Variants in NR5A1 observed in about 807,000 individuals in gnomAD.
NR5A1 encodes the protein steroidogenic factor 1.
Under a neutral mutation model 42.7 loss-of-function variants are expected in NR5A1, and 6 were observed. That is an observed-to-expected ratio of 0.14 (90% confidence interval 0.08 to 0.28). The LOEUF (loss-of-function observed/expected upper bound fraction) is 0.28, where lower values mean the gene tolerates loss of function less well. NR5A1 is among the 10% of genes least tolerant of loss of function. The pLI, the probability that NR5A1 is intolerant of heterozygous loss-of-function variation, is 1.00. For missense variants in NR5A1, 442 were observed against 626.4 expected (o/e 0.71, Z 3.14); for synonymous variants, 274 against 277.5 (o/e 0.99, Z 0.12).
intron 6 of NR5A1, among the ~76,000 whole-genome samples, chr9:124,484,526 G>A (rs1376551712): frequency 6.6e-6 from 1 of 152,140 alleles, no homozygotes; most frequent in Non-Finnish European, 1.5e-5. Context: ...CAAGGTAGGT[G>A]GGTCACTTGA....
At chr9:124,489,362 G>A (rs1832268776) in intron 6 of NR5A1, among the ~76,000 whole-genome samples, 1 of 152,158 alleles carries the variant, frequency 6.6e-6, no homozygotes, top group Non-Finnish European at 1.5e-5. Flanking sequence ...GTGCCTCCAA[G>A]CACCACCCTT....
At chr9:124,493,462 A>G (rs558378032) in intron 4 of NR5A1, among the ~76,000 whole-genome samples, 5 of 152,342 alleles carry the variant, frequency 3.3e-5, no homozygotes, top group Admixed American at 3.3e-4. Context: ...TACTGAGCGG[A>G]CAGTCCAGTA....
intron 4 of NR5A1, among the ~76,000 whole-genome samples, chr9:124,494,827 A>C (rs1156470345): frequency 6.6e-6 from 1 of 152,118 alleles, no homozygotes; most frequent in Non-Finnish European, 1.5e-5. Flanking sequence ...GCACACAGAG[A>C]CCACTCTCTA....
chr9:124,494,977 G>T (rs1363842073), intron 4 of NR5A1, among the ~76,000 whole-genome samples: 2 of 152,172 alleles, frequency 1.3e-5, no homozygotes, highest in Non-Finnish European at 2.9e-5. Flanking sequence ...TCTCTCCTGG[G>T]GCGTCCCTGG....
In NR5A1 at chr9:124,500,072, G is replaced by A; in HGVS notation, c.870+18C>T. 1 of 1,613,086 alleles carries A rather than the reference G, an allele frequency of 6.2e-7. No homozygotes were observed. The highest frequency in any genetic ancestry group is 8.5e-7 in the Non-Finnish European group (1 of 1,180,032). ...AGGACCATGATGCAGGGCCAGCCGG[G>A]CGGGAGGAGAGACTCACCTCCAGCT... On this transcript the variant is annotated intron_variant, in intron 4 of 6. Coordinates refer to ENST00000373588, the MANE Select transcript of NR5A1 (RefSeq NM_004959.5). This position sits in a 1 kb window ranked among gnomAD's most constrained non-coding sequence, Gnocchi z 6.9.
intron 4 of NR5A1, among the ~76,000 whole-genome samples, chr9:124,495,607 G>A (rs1295329970): frequency 6.6e-6 from 1 of 152,174 alleles, no homozygotes; most frequent in African/African-American, 2.4e-5. Flanking sequence ...GGTGGTGCAG[G>A]GCCAGGCTTG....
chr9:124,502,648 A>T lies in NR5A1; in HGVS notation c.244+431T>A, dbSNP rs555494383. On this transcript the variant is annotated intron_variant, in intron 3 of 6. Coordinates refer to ENST00000373588, the MANE Select transcript of NR5A1 (RefSeq NM_004959.5). ...CGGCCAAGCCCATGTTTCACATGGG[A>T]AATCTGCGGTTTAGAGAGGTTAAGG... Among the ~76,000 whole-genome samples, 27 of 152,304 alleles carry T rather than the reference A, an allele frequency of 1.8e-4. No individual in the cohort carries two copies. The South Asian group carries it at 3.7e-3, about 21-fold the overall frequency.
At position 124,500,330 on chromosome 9, in the gene NR5A1, C is replaced by A. The variant is rs779933883; in HGVS notation, c.630G>T (p.Pro210=). 1.1e-4 allele frequency: 171 copies of A among 1,557,788 alleles called. No homozygotes were observed. The highest frequency in any genetic ancestry group is 1.5e-4 in the Non-Finnish European group (169 of 1,151,272). Residue 210 remains proline (P), a synonymous_variant, in exon 4 of 7, where the codon CCG becomes CCT. Coordinates refer to ENST00000373588, the MANE Select transcript of NR5A1 (RefSeq NM_004959.5). This position sits in a 1 kb window ranked among gnomAD's most constrained non-coding sequence, Gnocchi z 6.9. ...CAGAGAAGGGCTCTGGGTAGCCGTA[C>A]GGCAGCCCAGGCTGTGGGGGGCTGG... ...PYASPPQPGL[P]YGYPEPFSGG...
At position 124,500,553 on chromosome 9, in the gene NR5A1, G is replaced by T. The variant is rs780022827; in HGVS notation, c.407C>A (p.Pro136Gln). ...MGVPPPPPPAPDYVLPPSLHG... is the reference protein window; with the variant it reads ...MGVPPPPPPAQDYVLPPSLHG... ...CAGGCTGGGAGGCAGCACGTAGTCC[G>T]GTGCGGGAGGGGGCGGCGGGGGCAC... The change falls in exon 4 of 7, where the codon CCG becomes CAG. Residue 136 changes from proline to glutamine, a missense_variant. Transcript: ENST00000373588. This position sits in a 1 kb window ranked among gnomAD's most constrained non-coding sequence, Gnocchi z 6.9. 9 of 1,610,592 alleles carry T rather than the reference G, an allele frequency of 5.6e-6. No homozygotes were observed. The South Asian group carries it at 9.9e-5, about 18-fold the overall frequency.
chr9:124,505,555 G>T (rs1215443442), intron 1 of NR5A1, among the ~76,000 whole-genome samples: 1 of 152,232 alleles, frequency 6.6e-6, no homozygotes, highest in Non-Finnish European at 1.5e-5. Flanking sequence ...CAAAGCACGC[G>T]TGTGGCCTGG....
At chr9:124,502,964 C>T in intron 3 of NR5A1, 115 bp downstream of exon 3, 2 of 1,372,958 alleles carry the variant, frequency 1.5e-6, no homozygotes, top group Non-Finnish European at 9.7e-7. Flanking sequence ...CCTAATGTCG[C>T]ACGAGGGGCC....
At position 124,482,785 on chromosome 9, in the gene NR5A1, G is replaced by C; in HGVS notation, c.1359C>G (p.Ile453Met). 6.3e-7 allele frequency: 1 copy of C among 1,586,514 alleles called. No homozygotes were observed. The highest frequency in any genetic ancestry group is 2.3e-5 in the East Asian group (1 of 43,704). ...GNEMPRNNLLIEMLQAKQT is the reference protein window; with the variant it reads ...GNEMPRNNLLMEMLQAKQT ...AAGTCTGCTTGGCTTGCAGCATTTC[G>C]ATGAGCAGGTTGTTGCGGGGCATCT... The change falls in exon 7 of 7, where the codon ATC (isoleucine) becomes ATG (methionine). Residue 453 changes from isoleucine to methionine, a missense_variant. Around this residue, in one of 3 missense-constraint regions of NR5A1, gnomAD observed 163 missense variants for 265.8 expected, o/e 0.61. Transcript: ENST00000373588.
At position 124,500,919 on chromosome 9, in the gene NR5A1, C is replaced by T. The variant is rs1000457574; in HGVS notation, c.245-204G>A. 1.3e-6 allele frequency: 1 copy of T among 788,936 alleles called. No homozygotes were observed. The highest frequency in any genetic ancestry group is 2.0e-5 in the Admixed American group (1 of 50,078). The allele number at this position is 788,936 out of a possible 1,614,324, so 48.9% of individuals were successfully genotyped here. A position where few individuals can be genotyped will look rare whatever the true frequency, so the allele number is the denominator to read the frequency against. Reference sequence around the variant, plus strand: ...GCTTTTCAGGCAATCCCTGCTAAGACCCCTCTCCTTCCACTCCACCGAACT... The same window carrying T: ...GCTTTTCAGGCAATCCCTGCTAAGATCCCTCTCCTTCCACTCCACCGAACT... On this transcript the variant is annotated intron_variant, in intron 3 of 6. Transcript: ENST00000373588. The surrounding 1 kb of genome is among the most constrained non-coding windows in gnomAD (Gnocchi z 6.9).
chr9:124,490,525 G>A (rs1375052689), intron 6 of NR5A1, among the ~76,000 whole-genome samples: 1 of 152,128 alleles, frequency 6.6e-6, no homozygotes, highest in Non-Finnish European at 1.5e-5. Flanking sequence ...TTCCTCCTTA[G>A]CACTGGTCAC....
chr9:124,490,109 C>T (rs1012775021), intron 6 of NR5A1, among the ~76,000 whole-genome samples: 3 of 152,176 alleles, frequency 2.0e-5, no homozygotes, highest in Non-Finnish European at 2.9e-5. Flanking sequence ...TCATCTCTAT[C>T]CCATCCCACC....
Position 124,503,534 on chromosome 9 carries a change from C to G in NR5A1, c.-15-124G>C, listed in dbSNP as rs922497358. The G allele has an allele frequency of 1.4e-6, 1 of 717,654 alleles. No homozygotes were observed. The highest frequency in any genetic ancestry group is 4.0e-5 in the Admixed American group (1 of 24,778). The allele number at this position is 717,654 out of a possible 1,614,324, so 44.5% of individuals were successfully genotyped here. ...TCCCCTCTCTGTGCCCAGGCGCTGCCGCCGGCACCCACCGAGCGCCCCGCG... is the reference window on the plus strand; with the variant it reads ...TCCCCTCTCTGTGCCCAGGCGCTGCGGCCGGCACCCACCGAGCGCCCCGCG... On this transcript the variant is annotated intron_variant, in intron 1 of 6. Transcript: ENST00000373588. This position sits in a 1 kb window ranked among gnomAD's most constrained non-coding sequence, Gnocchi z 9.6.
At position 124,503,390 on chromosome 9, in the gene NR5A1, G is replaced by A. The variant is rs1275673076; in HGVS notation, c.6C>T (p.Asp2=). M[D]YSYDEDLDEL... is the part of the protein sequence containing the mutation. ...CGTCCAGGTCCTCGTCGTACGAATAGTCCATGCCCGCGGCGTCCGCCTGCG... is the reference window on the plus strand; with the variant it reads ...CGTCCAGGTCCTCGTCGTACGAATAATCCATGCCCGCGGCGTCCGCCTGCG... The change falls in exon 2 of 7, where the codon GAC becomes GAT. Residue 2 remains aspartate, a synonymous_variant. Transcript: ENST00000373588. The surrounding 1 kb of genome is among the most constrained non-coding windows in gnomAD (Gnocchi z 9.6). 6.2e-7 allele frequency: 1 copy of A among 1,608,926 alleles called. No homozygotes were observed. Among genetic ancestry groups the A allele is most frequent in the Non-Finnish European group, 8.5e-7 (1 of 1,178,456 alleles).
At chr9:124,504,684 G>C (rs1832524149) in intron 1 of NR5A1, among the ~76,000 whole-genome samples, 1 of 149,724 alleles carries the variant, frequency 6.7e-6, no homozygotes, top group African/African-American at 2.4e-5. Flanking sequence ...GCGCCCACCT[G>C]GTCGCTCCTG....
intron 4 of NR5A1, among the ~76,000 whole-genome samples, chr9:124,494,261 G>A (rs778314079): frequency 5.9e-5 from 9 of 152,186 alleles, no homozygotes; most frequent in African/African-American, 9.7e-5. Flanking sequence ...TGCGAGTTTC[G>A]TATAGTCGCC....
Sources: gnomAD v4.1 joint callset for allele counts (sites outside exome capture counted in the v4.1 genomes callset) on GRCh38, gnomAD v4.1.1 for gene constraint, gnomAD v4.1.1 regional missense constraint, Gnocchi (gnomAD v3.1) non-coding constraint, MANE v1.5 for transcripts, NCBI Gene and HGNC (gene_info 2026-07-23, HGNC 2026-07-21) for gene names.